Variants in LRRC18 observed in about 807,000 individuals in gnomAD.
LRRC18 encodes the protein leucine rich repeat containing 18.
A neutral mutation model predicts 11.2 loss-of-function variants in LRRC18; 12 were observed. The ratio of observed to expected loss-of-function variants is 1.07; its 90% CI spans 0.69 to 1.74. LRRC18 has a LOEUF of 1.74. Among genes scored for constraint, LRRC18 ranks in the 40% most tolerant of loss-of-function variants. LRRC18 has a pLI of 0.00. For synonymous variants in LRRC18, 155 were observed against 130.6 expected, an observed-to-expected ratio of 1.19 and a Z score of -1.27; for missense variants, 374 against 330.5, an observed-to-expected ratio of 1.13 and a Z score of -1.02.
At chr10:48,929,842 G>C in the LRRC18 span, among the ~76,000 whole-genome samples, 1 of 152,118 alleles carries the variant, frequency 6.6e-6, no homozygotes, top group Non-Finnish European at 1.5e-5. Context: ...GGCCCAAACT[G>C]TGGCATCAGA....
chr10:48,914,198 G>C, exon 1 of LRRC18: 1 of 1,573,812 alleles, frequency 6.4e-7, no homozygotes, highest in Non-Finnish European at 8.6e-7. Context: ...TGTTCTGATT[G>C]GATAGTGATC....
the LRRC18 span, among the ~76,000 whole-genome samples, chr10:48,937,404 G>T: frequency 6.6e-6 from 1 of 152,214 alleles, no homozygotes; most frequent in Non-Finnish European, 1.5e-5. Flanking sequence ...CCTGGAGCAA[G>T]ATCTGGTCCT....
At chr10:48,931,577 G>A in the LRRC18 span, among the ~76,000 whole-genome samples, 1 of 152,210 alleles carries the variant, frequency 6.6e-6, no homozygotes, top group East Asian at 1.9e-4. Flanking sequence ...CCATCCAGAG[G>A]TGAAGAACTG....
chr10:48,935,373 C>T, the LRRC18 span, among the ~76,000 whole-genome samples: 3 of 152,238 alleles, frequency 2.0e-5, no homozygotes, highest in African/African-American at 4.8e-5. Flanking sequence ...CCCCAGGGCT[C>T]ACCCCCTGTG....
At chr10:48,929,686 C>T in the LRRC18 span, among the ~76,000 whole-genome samples, 2 of 152,236 alleles carry the variant, frequency 1.3e-5, no homozygotes, top group Admixed American at 6.5e-5. Flanking sequence ...TCTGGACTCA[C>T]TTAGCCTACT....
At chr10:48,916,064 C>T (rs1192417940), upstream of LRRC18, among the ~76,000 whole-genome samples, 1 of 152,180 alleles carries the variant, frequency 6.6e-6, no homozygotes, top group Non-Finnish European at 1.5e-5. Context: ...CAAGTAAAGC[C>T]TTGGGCAGAA....
chr10:48,923,520 A>ATATAT, the LRRC18 span, among the ~76,000 whole-genome samples: 1 of 99,730 alleles, frequency 1.0e-5, no homozygotes, highest in African/African-American at 2.9e-5. Flanking sequence ...ATATGTCCCA[A>ATATAT]ATACCGCATA....
At chr10:48,932,063 A>G in the LRRC18 span, among the ~76,000 whole-genome samples, 5,556 of 152,312 alleles carry the variant, frequency 0.036, 218 homozygotes, top group African/African-American at 0.09. Flanking sequence ...TTGCCAACCC[A>G]GGTTTAGTCT....
At chr10:48,921,714 A>G in the LRRC18 span, among the ~76,000 whole-genome samples, 1 of 152,240 alleles carries the variant, frequency 6.6e-6, no homozygotes, top group East Asian at 1.9e-4. Flanking sequence ...AGATCTTTTC[A>G]ACTCAACAGT....
chr10:48,916,475 G>A (rs1032852838), upstream of LRRC18, among the ~76,000 whole-genome samples: 1 of 152,224 alleles, frequency 6.6e-6, no homozygotes, highest in African/African-American at 2.4e-5. Flanking sequence ...TGGAAGAAGA[G>A]AACCATTGTC....
the LRRC18 span, among the ~76,000 whole-genome samples, chr10:48,925,597 C>T: frequency 6.6e-6 from 1 of 152,346 alleles, no homozygotes; most frequent in Admixed American, 6.5e-5. Context: ...GTGAGCACTG[C>T]TTCCCTGTGG....
chr10:48,930,033 C>T, the LRRC18 span, among the ~76,000 whole-genome samples: 1 of 152,254 alleles, frequency 6.6e-6, no homozygotes, highest in African/African-American at 2.4e-5. Flanking sequence ...CCTCCCCCAC[C>T]TACCCCAAGA....
At chr10:48,921,244 A>G in the LRRC18 span, among the ~76,000 whole-genome samples, 1 of 152,222 alleles carries the variant, frequency 6.6e-6, no homozygotes. Flanking sequence ...AGCATGTGGT[A>G]TTATTGGTGA....
chr10:48,910,578 T>A (rs1236579188), intron 1 of LRRC18, among the ~76,000 whole-genome samples: 1 of 152,180 alleles, frequency 6.6e-6, no homozygotes, highest in East Asian at 1.9e-4. Flanking sequence ...GGTCTCTATC[T>A]CCAGTCTGCT....
At chr10:48,928,352 A>ATGTGTGTG in the LRRC18 span, among the ~76,000 whole-genome samples, 28 of 59,714 alleles carry the variant, frequency 4.7e-4, no homozygotes, top group African/African-American at 1.3e-3. Flanking sequence ...TTTGGTTTTG[A>ATGTGTGTG]CGTGTGTGTG....
intron 1 of LRRC18, among the ~76,000 whole-genome samples, chr10:48,912,980 C>T (rs1838143477): frequency 1.3e-5 from 2 of 152,324 alleles, no homozygotes; most frequent in African/African-American, 2.4e-5. Context: ...CTTTGAAGCC[C>T]AGACCCAAAA....
upstream of LRRC18, among the ~76,000 whole-genome samples, chr10:48,916,869 ATATG>A (rs1215729063): frequency 2.1e-4 from 22 of 103,050 alleles, no homozygotes; most frequent in South Asian, 3.7e-4. Context: ...TGCTTTAAAA[ATATG>A]TGTGTGTGTG....
the LRRC18 span, among the ~76,000 whole-genome samples, chr10:48,932,276 C>G: frequency 1.3e-5 from 2 of 152,168 alleles, no homozygotes; most frequent in African/African-American, 4.8e-5. Context: ...CCGTCTCCAT[C>G]ACCTCCCTCA....
chr10:48,929,381 G>C, the LRRC18 span, among the ~76,000 whole-genome samples: 144 of 152,310 alleles, frequency 9.5e-4, 1 homozygote, highest in African/African-American at 3.3e-3. Flanking sequence ...CTAGGCTCCA[G>C]CAGGAAGCTA....
Sources: gnomAD v4.1 joint callset for allele counts (sites outside exome capture counted in the v4.1 genomes callset) on GRCh38, gnomAD v4.1.1 for gene constraint, MANE v1.5 for transcripts, NCBI Gene and HGNC (gene_info 2026-07-23, HGNC 2026-07-21) for gene names.